Variants in APPL1 observed in about 807,000 individuals in gnomAD.
The protein encoded by APPL1 is adaptor protein, phosphotyrosine interacting with PH domain and leucine zipper 1, also known as DCC-interacting protein 13-alpha.
Under a neutral mutation model 106.8 loss-of-function variants are expected in APPL1, and 42 were observed. That is an observed-to-expected ratio of 0.39 (90% CI 0.31 to 0.51). The LOEUF is 0.51. Among genes scored for constraint, APPL1 ranks in the 20% least tolerant of loss-of-function variants. APPL1 has a pLI of 0.75. For missense variants in APPL1, 769 were observed against 858.2 expected (o/e 0.90, Z 1.30); for synonymous variants, 263 against 281.8 (o/e 0.93, Z 0.67).
At chr3:57,261,054 C>G (rs1054226693) in intron 19 of APPL1, among the ~76,000 whole-genome samples, 4 of 152,084 alleles carry the variant, frequency 2.6e-5, no homozygotes, top group Non-Finnish European at 5.9e-5. Flanking sequence ...TATATTCTTT[C>G]TATCGTAATT....
At chr3:57,268,587 T>G in intron 21 of APPL1, 100 bp downstream of exon 21, 1 of 1,377,284 alleles carries the variant, frequency 7.3e-7, no homozygotes, top group South Asian at 1.8e-5. Flanking sequence ...GGGCTGTTTC[T>G]GCTTGTTCAG....
intron 19 of APPL1, among the ~76,000 whole-genome samples, chr3:57,265,770 A>C (rs2060891614): frequency 6.6e-6 from 1 of 152,024 alleles, no homozygotes; most frequent in South Asian, 2.1e-4. Context: ...CTCATCTTCC[A>C]TCTAAAAGGT....
At chr3:57,267,426 T>G (rs550624765) in intron 19 of APPL1, among the ~76,000 whole-genome samples, 223 of 152,326 alleles carry the variant, frequency 1.5e-3, no homozygotes, top group Non-Finnish European at 2.5e-3. Context: ...ACCAGCCATT[T>G]TCAGATGTCT....
intron 21 of APPL1, 60 bp downstream of exon 21, chr3:57,268,547 A>ATGAC: frequency 6.8e-7 from 1 of 1,481,434 alleles, no homozygotes; most frequent in Non-Finnish European, 9.0e-7. Flanking sequence ...ATTCAGCACT[A>ATGAC]TGACTTTCAG....
Position 57,235,641 on chromosome 3 carries a change from A to C in APPL1, c.130A>C (p.Met44Leu). Residue 44 changes from methionine to leucine, a missense_variant, in exon 2 of 22, where the codon ATG (methionine) becomes CTG (leucine). Transcript: ENST00000288266. ...CTATATGAACCAGTTGTATCAAGCT[A>C]TGCATCGGATTTATGATGCACAGGT... ...SNYMNQLYQA[M>L]HRIYDAQNEL... 2 of 1,612,970 alleles carry C rather than the reference A, an allele frequency of 1.2e-6. No individual in the cohort carries two copies. Among genetic ancestry groups the C allele is most frequent in the Non-Finnish European group, 1.7e-6 (2 of 1,179,318 alleles).
chr3:57,259,080 G>T lies in APPL1; in HGVS notation c.1483G>T (p.Asp495Tyr). ...SGGSTKSETE[D>Y]SILHQLFIVR... is the part of the protein sequence containing the mutation. ...AGGAAGTACAAAATCTGAAACTGAA[G>T]GTAAGACAGATGTGCAGCATTCATA... The change falls in exon 16 of 22, where the codon GAT (aspartate) becomes TAT (tyrosine). Residue 495 changes from aspartate to tyrosine, a missense_variant and splice_region_variant. Coordinates refer to ENST00000288266, the MANE Select transcript of APPL1 (RefSeq NM_012096.3). 6.2e-7 allele frequency: 1 copy of T among 1,611,086 alleles called. No homozygotes were observed.
chr3:57,248,314 A>T lies in APPL1; in HGVS notation c.826A>T (p.Asn276Tyr). Residue 276 changes from asparagine (N) to tyrosine (Y), a missense_variant, in exon 10 of 22, where the codon AAT becomes TAT. By Grantham distance (143) the Asn-to-Tyr change is moderately radical. Coordinates refer to ENST00000288266, the MANE Select transcript of APPL1 (RefSeq NM_012096.3). ...PDPTKFPVNRNLTRKAGYLNA... is the reference protein window; with the variant it reads ...PDPTKFPVNRYLTRKAGYLNA... ...CCCCACCAAATTTCCTGTTAATCGA[A>T]ATTTAACCCGAAAGGCTGGATACCT... The T allele has an allele frequency of 1.2e-6, 2 of 1,614,134 alleles. No homozygotes were observed. The highest frequency in any genetic ancestry group is 3.3e-5 in the Admixed American group (2 of 60,012).
chr3:57,267,951 G>C, intron 20 of APPL1, 159 bp downstream of exon 20: 1 of 705,738 alleles, frequency 1.4e-6, no homozygotes. Flanking sequence ...AATTAGTTGG[G>C]TGTGGTGTCG....
At chr3:57,231,898 C>T (rs1474725544) in intron 1 of APPL1, among the ~76,000 whole-genome samples, 5 of 151,516 alleles carry the variant, frequency 3.3e-5, no homozygotes, top group African/African-American at 7.3e-5. Flanking sequence ...ATAGTAACTA[C>T]GTATTAAATT....
chr3:57,267,781 C>T lies in APPL1; in HGVS notation c.1882C>T (p.His628Tyr), dbSNP rs778504692. 3.7e-6 allele frequency: 6 copies of T among 1,613,534 alleles called. No homozygotes were observed. The highest frequency in any genetic ancestry group is 1.3e-5 in the African/African-American group (1 of 74,896). ...SVGLAKQIAL[H>Y]AELDRRASEK... ...TGGACTGGCAAAACAGATAGCTTTG[C>T]ATGCTGAACTGGTAAGAATCCAAGA... The change falls in exon 20 of 22, where the codon CAT (histidine) becomes TAT (tyrosine). Residue 628 changes from histidine to tyrosine, a missense_variant. His to Tyr is a moderately conservative substitution (Grantham distance 83, BLOSUM62 2). Coordinates refer to ENST00000288266, the MANE Select transcript of APPL1 (RefSeq NM_012096.3).
At chr3:57,265,556 G>A (rs1272218165) in intron 19 of APPL1, among the ~76,000 whole-genome samples, 2 of 151,934 alleles carry the variant, frequency 1.3e-5, no homozygotes, top group Admixed American at 1.3e-4. Context: ...TTTTCAGATT[G>A]TTCACTGTTG....
Position 57,271,464 on chromosome 3 carries a change from A to G in APPL1, c.*1777A>G, listed in dbSNP as rs1240036595. 2 of 152,420 alleles carry G rather than the reference A, an allele frequency of 1.3e-5. No individual in the cohort carries two copies. Among genetic ancestry groups the G allele is most frequent in the Non-Finnish European group, 2.9e-5 (2 of 68,030 alleles). The allele number at this position is 152,420 out of a possible 1,614,324, so 9.4% of individuals were successfully genotyped here. ...GTTCTTTTGTTTTGTTAAAGTTGGA[A>G]TTTATTCTGTTGCCAGCATTTAAGT... is the stretch of plus-strand genomic sequence containing the variant. On this transcript the variant is annotated 3_prime_UTR_variant, in exon 22 of 22. Coordinates refer to ENST00000288266, the MANE Select transcript of APPL1 (RefSeq NM_012096.3).
intron 17 of APPL1, 42 bp from the exon 18 acceptor site, chr3:57,260,075 C>T (rs1456702788): frequency 1.2e-6 from 2 of 1,605,968 alleles, no homozygotes; most frequent in East Asian, 2.2e-5. Context: ...TGATTTCAGC[C>T]TAATTAAAAT....
intron 4 of APPL1, 86 bp downstream of exon 4, chr3:57,238,202 C>A: frequency 8.2e-6 from 8 of 980,194 alleles, no homozygotes; most frequent in Non-Finnish European, 1.0e-5. Context: ...GAATAAAGCT[C>A]TATTAAAGAG....
intron 13 of APPL1, among the ~76,000 whole-genome samples, chr3:57,256,412 T>C (rs2107606726): frequency 6.6e-6 from 1 of 152,342 alleles, no homozygotes; most frequent in Non-Finnish European, 1.5e-5. Context: ...AATTTTTTGG[T>C]CTGAAAATAT....
rs1393195657 is a variant in APPL1 at position 57,240,558 on chromosome 3, G to C, written c.373+6G>C. 1.2e-5 allele frequency: 19 copies of C among 1,609,546 alleles called. No homozygotes were observed. The highest frequency in any genetic ancestry group is 1.7e-5 in the Admixed American group (1 of 59,972). On this transcript the variant is annotated splice_donor_region_variant and intron_variant, in intron 5 of 21. Transcript: ENST00000288266. ...TAAAGAAAGAGATCTGAAAGGTATT[G>C]AAGTCAAGCTTATGTTTACTTTCAT... is the stretch of plus-strand genomic sequence containing the variant.
chr3:57,230,243 G>C (rs939583165), intron 1 of APPL1, among the ~76,000 whole-genome samples: 1 of 152,182 alleles, frequency 6.6e-6, no homozygotes, highest in Non-Finnish European at 1.5e-5. Flanking sequence ...ACTACCTTCT[G>C]CTTTAGGGCA....
Position 57,252,376 on chromosome 3 carries a change from A to C in APPL1, c.1095+65A>C, listed in dbSNP as rs888646437. ...AAATATTTTTCTGATGACAAAACAT[A>C]TATTAATGTGTTCATTGTAGAAATT... is the stretch of plus-strand genomic sequence containing the variant. On this transcript the variant is annotated intron_variant, in intron 12 of 21. Coordinates refer to ENST00000288266, the MANE Select transcript of APPL1 (RefSeq NM_012096.3). The C allele has an allele frequency of 1.8e-5, 21 of 1,181,578 alleles. No individual in the cohort carries two copies. The African/African-American group carries it at 3.2e-4, about 18-fold the overall frequency. The allele number at this position is 1,181,578 out of a possible 1,614,324, so 73.2% of individuals were successfully genotyped here.
rs1331298904 is a variant in APPL1, at chr3:57,248,299, T to C, written c.811T>C (p.Phe271Leu). 6.2e-7 allele frequency: 1 copy of C among 1,614,000 alleles called. No individual in the cohort carries two copies. Among genetic ancestry groups the C allele is most frequent in the African/African-American group, 1.3e-5 (1 of 74,908 alleles). ...TGTGCCTGACCCAGACCCCACCAAA[T>C]TTCCTGTTAATCGAAATTTAACCCG... is the stretch of plus-strand genomic sequence containing the variant. ...LYVPDPDPTK[F>L]PVNRNLTRKA... Residue 271 changes from phenylalanine to leucine, a missense_variant, in exon 10 of 22, where the codon TTT (phenylalanine) becomes CTT (leucine). Phe to Leu is a conservative substitution (Grantham distance 22, BLOSUM62 0). Coordinates refer to ENST00000288266, the MANE Select transcript of APPL1 (RefSeq NM_012096.3).
Sources: gnomAD v4.1 joint callset for allele counts (sites outside exome capture counted in the v4.1 genomes callset) on GRCh38, gnomAD v4.1.1 for gene constraint, MANE v1.5 for transcripts, NCBI Gene and HGNC (gene_info 2026-07-23, HGNC 2026-07-21) for gene names.